Variants in TRIM16 observed in about 807,000 individuals in gnomAD.
TRIM16 encodes the protein tripartite motif containing 16.
A neutral mutation model predicts 50.4 loss-of-function variants in TRIM16; 33 were observed. That is an observed-to-expected ratio of 0.65 (90% CI 0.50 to 0.88). The LOEUF is 0.88. Among genes scored for constraint, TRIM16 ranks in the 40% least tolerant of loss-of-function variants. The probability of loss-of-function intolerance (pLI) is 0.00; values close to 1 mark genes in which losing one functional copy is unlikely to be tolerated. For missense variants in TRIM16, 581 were observed against 686.8 expected (o/e 0.85, Z 1.72); for synonymous variants, 229 against 270.7 (o/e 0.85, Z 1.51).
At chr17:15,647,816 T>C (rs1461472983) in intron 7 of TRIM16, among the ~76,000 whole-genome samples, 3 of 139,134 alleles carry the variant, frequency 2.2e-5, no homozygotes, top group African/African-American at 8.3e-5. Flanking sequence ...CCAGATTTCA[T>C]ACACACACAC....
chr17:15,667,473 C>G (rs1988547465), intron 6 of TRIM16, among the ~76,000 whole-genome samples: 1 of 152,180 alleles, frequency 6.6e-6, no homozygotes, highest in Non-Finnish European at 1.5e-5. Flanking sequence ...AATAGGACTT[C>G]TGATTGTTTT....
intron 1 of TRIM16, 67 bp from the exon 2 acceptor site, chr17:15,683,224 GACTCT>G: frequency 8.1e-7 from 1 of 1,233,556 alleles, no homozygotes. Context: ...CATTCTCTGA[GACTCT>G]ACTCAGAACG....
In TRIM16 at chr17:15,651,186, A is replaced by C; in HGVS notation, c.424T>G (p.Cys142Gly). ...PAHHSPLSAF[C>G]CPDQQCICQD... ...CAGATGCACTGCTGATCAGGGCAGC[A>C]GAAGGCAGACAGTGGGCTGTGGTGG... Residue 142 changes from cysteine (C) to glycine (G), a missense_variant, in exon 7 of 12, where the codon TGC becomes GGC. Physicochemically the swap from Cys to Gly is radical, Grantham distance 159. Around this residue, in one of 3 missense-constraint regions of TRIM16, gnomAD observed 450 missense variants for 544.3 expected, o/e 0.83. Transcript: ENST00000649191. 1 of 1,614,210 alleles carries C rather than the reference A, an allele frequency of 6.2e-7. No individual in the cohort carries two copies. The highest frequency in any genetic ancestry group is 8.5e-7 in the Non-Finnish European group (1 of 1,180,034).
rs556115056 is a variant in TRIM16 at position 15,633,121 on chromosome 17, G to GT, written c.850-448dup. ...AGTTTCATCCAATGCATAAATTTCT[G>GT]TAATTCTTGTACCTTGCTTTAGTAT... On this transcript the variant is annotated intron_variant, in intron 9 of 11. Coordinates refer to ENST00000649191, the MANE Select transcript of TRIM16 (RefSeq NM_001348119.1). Among the ~76,000 whole-genome samples, 154 of 152,274 alleles carry GT rather than the reference G, an allele frequency of 1.0e-3. 2 individuals are homozygous for GT. The highest frequency in any genetic ancestry group is 1.9e-3 in the Non-Finnish European group (132 of 68,014).
rs553020793 is a variant in TRIM16, at chr17:15,666,620, A to T, written c.-338+10556T>A. On this transcript the variant is annotated intron_variant, in intron 6 of 11. Transcript: ENST00000649191. ...GAAGAATCTGAGTTTTATCATTATA[A>T]ATTAGTTTTGCTTGTGCTGGAACTT... 5.6e-3 allele frequency among the ~76,000 whole-genome samples: 860 copies of T among 152,310 alleles called. 14 individuals carry two copies. The highest frequency in any genetic ancestry group is 0.02 in the African/African-American group (813 of 41,558).
chr17:15,672,994 C>T (rs766889319), intron 6 of TRIM16, among the ~76,000 whole-genome samples: 1 of 152,210 alleles, frequency 6.6e-6, no homozygotes, highest in Non-Finnish European at 1.5e-5. Context: ...TTCATGCAAT[C>T]CACCCATTCT....
Position 15,636,369 on chromosome 17 carries a change from T to C in TRIM16, c.616-100A>G, listed in dbSNP as rs1986743419. 4 of 1,276,254 alleles carry C rather than the reference T, an allele frequency of 3.1e-6. No homozygotes were observed. The Admixed American group carries it at 5.7e-5, about 18-fold the overall frequency. The allele number at this position is 1,276,254 out of a possible 1,614,324, so 79.1% of individuals were successfully genotyped here. On this transcript the variant is annotated intron_variant, in intron 8 of 11. Coordinates refer to ENST00000649191, the MANE Select transcript of TRIM16 (RefSeq NM_001348119.1). ...CAGAAATGTCAGCTTGAGAAACACATATATTAGGGAGCAGTTCCCTATTGT... is the reference window on the plus strand; with the variant it reads ...CAGAAATGTCAGCTTGAGAAACACACATATTAGGGAGCAGTTCCCTATTGT...
chr17:15,634,646 A>AAC (rs3055919), intron 9 of TRIM16, among the ~76,000 whole-genome samples: 2 of 128,910 alleles, frequency 1.6e-5, no homozygotes, highest in Admixed American at 1.4e-4. Context: ...AAAAAAAAAA[A>AAC]CAAATAAAAA....
chr17:15,668,104 C>T (rs1211131920), intron 6 of TRIM16, among the ~76,000 whole-genome samples: 1 of 152,210 alleles, frequency 6.6e-6, no homozygotes, highest in Non-Finnish European at 1.5e-5. Context: ...CCCGCACGAT[C>T]TATCTGCTTC....
intron 7 of TRIM16, among the ~76,000 whole-genome samples, chr17:15,644,435 C>T (rs1987262064): frequency 6.6e-6 from 1 of 152,194 alleles, no homozygotes; most frequent in South Asian, 2.1e-4. Context: ...TGATCTGCCT[C>T]CACCTCGGCC....
chr17:15,682,079 G>A (rs1312829924), intron 3 of TRIM16, among the ~76,000 whole-genome samples: 2 of 152,114 alleles, frequency 1.3e-5, no homozygotes, highest in Non-Finnish European at 2.9e-5. Context: ...TGGTACCTAC[G>A]TTGCTACAAT....
intron 8 of TRIM16, among the ~76,000 whole-genome samples, chr17:15,641,397 TG>T (rs1221642624): frequency 6.7e-6 from 1 of 148,948 alleles, no homozygotes; most frequent in Non-Finnish European, 1.5e-5. Context: ...TCAATCTAGA[TG>T]GCCCTAGACA....
At chr17:15,637,621 G>A (rs1266943357) in intron 8 of TRIM16, among the ~76,000 whole-genome samples, 3 of 87,212 alleles carry the variant, frequency 3.4e-5, no homozygotes, top group African/African-American at 6.2e-5. Flanking sequence ...GGAGGGAGGT[G>A]GGGGGGGGTC....
At chr17:15,682,802 T>A in intron 3 of TRIM16, 52 bp downstream of exon 3, 1 of 1,373,006 alleles carries the variant, frequency 7.3e-7, no homozygotes, top group Non-Finnish European at 9.4e-7. Context: ...TTTCAGAGTT[T>A]CAAATTAAAA....
chr17:15,629,460 T>C (rs1986292367), intron 11 of TRIM16, among the ~76,000 whole-genome samples: 1 of 152,254 alleles, frequency 6.6e-6, no homozygotes, highest in South Asian at 2.1e-4. Context: ...AATCAAGAAA[T>C]ATATTAATTT....
At chr17:15,662,268 T>C (rs1283930627) in intron 6 of TRIM16, among the ~76,000 whole-genome samples, 1 of 152,186 alleles carries the variant, frequency 6.6e-6, no homozygotes, top group Non-Finnish European at 1.5e-5. Flanking sequence ...CTCCCAATGA[T>C]GGAGTCAGAA....
chr17:15,674,385 C>T (rs966501710), intron 6 of TRIM16, among the ~76,000 whole-genome samples: 2 of 151,594 alleles, frequency 1.3e-5, no homozygotes, highest in Non-Finnish European at 2.9e-5. Flanking sequence ...AAAAAAGACA[C>T]AATAACATTA....
chr17:15,677,578 A>G lies in TRIM16; in HGVS notation c.-446T>C. On this transcript the variant is annotated 5_prime_UTR_variant, in exon 5 of 12. Coordinates refer to ENST00000649191, the MANE Select transcript of TRIM16 (RefSeq NM_001348119.1). The stretch of plus-strand genomic sequence containing the variant: ...GGGTGGAAGGACCCAAGCTCACCCA[A>G]GGAGACCAGGTTCCTATAGTTCTCC... 4 of 1,052,418 alleles carry G rather than the reference A, an allele frequency of 3.8e-6. No individual in the cohort carries two copies. The highest frequency in any genetic ancestry group is 3.5e-6 in the Non-Finnish European group (3 of 862,822). 65.2% of individuals were successfully genotyped at this position (1,052,418 alleles called of 1,614,324 possible).
chr17:15,645,083 G>C (rs1446928154), intron 7 of TRIM16, among the ~76,000 whole-genome samples: 1 of 152,038 alleles, frequency 6.6e-6, no homozygotes, highest in Non-Finnish European at 1.5e-5. Context: ...CAAACTGTTG[G>C]GATTACAGGC....
Sources: gnomAD v4.1 joint callset for allele counts (sites outside exome capture counted in the v4.1 genomes callset) on GRCh38, gnomAD v4.1.1 for gene constraint, gnomAD v4.1.1 regional missense constraint, MANE v1.5 for transcripts, NCBI Gene and HGNC (gene_info 2026-07-23, HGNC 2026-07-21) for gene names.